SLC15A2: variants seen among roughly 807,000 people sequenced by gnomAD.
The protein encoded by SLC15A2 is kidney H(+)/peptide cotransporter.
In SLC15A2, 77 loss-of-function variants were observed where a neutral mutation model predicts 95.5. The ratio of observed to expected loss-of-function variants is 0.81; its 90% CI spans 0.67 to 0.97. The LOEUF is 0.97. Among genes scored for constraint, SLC15A2 ranks in the 50% least tolerant of loss-of-function variants. The pLI is 0.00. For synonymous variants in SLC15A2, 306 were observed against 306.9 expected (o/e 1.00, Z 0.03); for missense variants, 893 against 874.4 (o/e 1.02, Z -0.27).
At chr3:121,913,184 A>T in intron 5 of SLC15A2, 64 bp downstream of exon 5, 1 of 1,279,164 alleles carries the variant, frequency 7.8e-7, no homozygotes, top group South Asian at 1.2e-5. Context: ...GGTATCTGGC[A>T]GGTAGCCATT....
intron 7 of SLC15A2, among the ~76,000 whole-genome samples, chr3:121,919,168 C>A (rs926103201): frequency 1.3e-5 from 2 of 152,220 alleles, no homozygotes; most frequent in Non-Finnish European, 2.9e-5. Flanking sequence ...TGTAGTTCAA[C>A]GAGCAGGAGC....
intron 3 of SLC15A2, among the ~76,000 whole-genome samples, chr3:121,905,546 G>A (rs1262732744): frequency 6.6e-6 from 1 of 152,152 alleles, no homozygotes; most frequent in Admixed American, 6.5e-5. Context: ...CTGGTATGTT[G>A]TGTCTTTGTT....
intron 7 of SLC15A2, 121 bp from the exon 8 acceptor site, chr3:121,922,099 T>C (rs1710017005): frequency 2.8e-6 from 2 of 707,508 alleles, no homozygotes; most frequent in African/African-American, 3.6e-5. Flanking sequence ...GAATGTGCTA[T>C]TTAGGTTTGT....
chr3:121,937,020 A>C (rs1398092469), intron 19 of SLC15A2, among the ~76,000 whole-genome samples: 1 of 151,304 alleles, frequency 6.6e-6, no homozygotes, highest in Non-Finnish European at 1.5e-5. Context: ...TCCTTCACTT[A>C]TGAAGCTTAG....
chr3:121,901,631 AGAT>A (rs1426001746), intron 3 of SLC15A2, among the ~76,000 whole-genome samples: 6 of 151,880 alleles, frequency 4.0e-5, no homozygotes, highest in Admixed American at 1.3e-4. Context: ...ATATACAAAC[AGAT>A]GATAACAGCA....
chr3:121,909,045 TA>T (rs1274222903), intron 3 of SLC15A2, among the ~76,000 whole-genome samples: 2 of 152,056 alleles, frequency 1.3e-5, no homozygotes, highest in African/African-American at 4.8e-5. Flanking sequence ...TATTTATTTT[TA>T]TTTTTATTTA....
chr3:121,927,529 C>T (rs748357153), intron 13 of SLC15A2: 2 of 459,380 alleles, frequency 4.4e-6, no homozygotes, highest in Non-Finnish European at 7.8e-6. Context: ...ATTGAAAGCT[C>T]CTCGATGCTT....
chr3:121,917,702 G>A (rs10934562), intron 7 of SLC15A2, among the ~76,000 whole-genome samples: 63,629 of 151,448 alleles, frequency 0.42, 13,834 homozygotes, highest in East Asian at 0.69. Context: ...ATAAATAAAT[G>A]AATAAAATAA....
chr3:121,938,024 A>AG (rs1176915683), intron 19 of SLC15A2, among the ~76,000 whole-genome samples: 1 of 149,896 alleles, frequency 6.7e-6, no homozygotes, highest in African/African-American at 2.5e-5. Context: ...GTACCTGGCC[A>AG]TGTGAGGTGT....
At chr3:121,900,778 C>A (rs553778752) in intron 3 of SLC15A2, among the ~76,000 whole-genome samples, 65 of 152,118 alleles carry the variant, frequency 4.3e-4, no homozygotes, top group Non-Finnish European at 5.7e-4. Context: ...GCCCCCTCAC[C>A]TTTTACTATA....
At position 121,941,393 on chromosome 3, in the gene SLC15A2, A is replaced by C; in HGVS notation, c.*386A>C. 1 of 160,432 alleles carries C rather than the reference A, an allele frequency of 6.2e-6. No individual in the cohort carries two copies. Among genetic ancestry groups the C allele is most frequent in the Non-Finnish European group, 1.4e-5 (1 of 73,700 alleles). The allele number at this position is 160,432 out of a possible 1,614,324, so 9.9% of individuals were successfully genotyped here. A position where few individuals can be genotyped will look rare whatever the true frequency, so the allele number is the denominator to read the frequency against. On this transcript the variant is annotated 3_prime_UTR_variant, in exon 22 of 22. Transcript: ENST00000489711. ...TTTTGAGGTGCTGATTTAGAGGCAAAATTGCAGAATAACAAAGAAATGGTA... is the reference window on the plus strand; with the variant it reads ...TTTTGAGGTGCTGATTTAGAGGCAACATTGCAGAATAACAAAGAAATGGTA...
intron 7 of SLC15A2, among the ~76,000 whole-genome samples, chr3:121,917,545 G>A (rs559735207): frequency 3.9e-5 from 6 of 152,108 alleles, no homozygotes; most frequent in Non-Finnish European, 7.4e-5. Context: ...AAAATTAGCC[G>A]AGTATGATGG....
intron 3 of SLC15A2, among the ~76,000 whole-genome samples, chr3:121,901,861 G>GTA (rs1487381526): frequency 1.3e-5 from 2 of 152,026 alleles, no homozygotes; most frequent in Admixed American, 1.3e-4. Context: ...GTGTGTGTGT[G>GTA]TGTGTGGTGT....
chr3:121,896,531 A>C, intron 2 of SLC15A2, 38 bp downstream of exon 2: 1 of 1,433,746 alleles, frequency 7.0e-7, no homozygotes, highest in African/African-American at 1.4e-5. Context: ...ACTCTCCTCC[A>C]CCCACCCTCA....
chr3:121,895,211 A>G (rs1559836655), intron 1 of SLC15A2: 1 of 152,212 alleles, frequency 6.6e-6, no homozygotes, highest in Admixed American at 6.5e-5. Context: ...AGGTGATGTT[A>G]TTCTCATTTC....
chr3:121,914,611 A>G (rs1576677773), intron 5 of SLC15A2, among the ~76,000 whole-genome samples: 2 of 152,334 alleles, frequency 1.3e-5, no homozygotes, highest in South Asian at 4.1e-4. Flanking sequence ...GCATTCACTT[A>G]GTTAATACAG....
chr3:121,901,728 T>C (rs887751484), intron 3 of SLC15A2, among the ~76,000 whole-genome samples: 7 of 152,186 alleles, frequency 4.6e-5, no homozygotes, highest in Admixed American at 2.0e-4. Context: ...TACTGTCTTT[T>C]CTAATTTGAA....
chr3:121,924,462 C>T, intron 12 of SLC15A2, 79 bp downstream of exon 12: 3 of 1,235,490 alleles, frequency 2.4e-6, no homozygotes, highest in Middle Eastern at 3.7e-4. Flanking sequence ...CGATTAACAA[C>T]CATAATTTGA....
chr3:121,930,993 T>C lies in SLC15A2; in HGVS notation c.1664+43T>C, dbSNP rs1037006176. 2.9e-6 allele frequency: 4 copies of C among 1,360,492 alleles called. No individual in the cohort carries two copies. In the East Asian group the frequency reaches 9.2e-5, roughly 31 times the overall value. 84.3% of individuals were successfully genotyped at this position (1,360,492 alleles called of 1,614,324 possible). A position where few individuals can be genotyped will look rare whatever the true frequency, so the allele number is the denominator to read the frequency against. ...GTGGACATTTTACTTTTGTCAATAA[T>C]TGTTTTTTAAGTGCTATCTTTGTAT... On this transcript the variant is annotated intron_variant, in intron 18 of 21. Transcript: ENST00000489711.
Sources: gnomAD v4.1 joint callset for allele counts (sites outside exome capture counted in the v4.1 genomes callset) on GRCh38, gnomAD v4.1.1 for gene constraint, MANE v1.5 for transcripts, NCBI Gene and HGNC (gene_info 2026-07-23, HGNC 2026-07-21) for gene names.